Variants in DCAF6 observed in about 807,000 individuals in gnomAD.
The protein encoded by DCAF6 is DDB1 and CUL4 associated factor 6, also known as DDB1- and CUL4-associated factor 6.
Under a neutral mutation model 125.1 loss-of-function variants are expected in DCAF6, and 54 were observed. That is an observed-to-expected ratio of 0.43 (90% CI 0.35 to 0.54). The LOEUF (loss-of-function observed/expected upper bound fraction) is 0.54. Among genes scored for constraint, DCAF6 ranks in the 20% least tolerant of loss-of-function variants. The pLI is 0.01. For synonymous variants in DCAF6, 371 were observed against 390.4 expected (o/e 0.95, Z 0.58); for missense variants, 934 against 1,161.7 (o/e 0.80, Z 2.85).
chr1:167,900,126 G>A, the DCAF6 span, among the ~76,000 whole-genome samples: 1 of 152,198 alleles, frequency 6.6e-6, no homozygotes, highest in Non-Finnish European at 1.5e-5. Context: ...GTTGGTAAAT[G>A]AAAGTTTTGG....
At chr1:168,058,058 T>A (rs946155356) in intron 17 of DCAF6, among the ~76,000 whole-genome samples, 4 of 152,242 alleles carry the variant, frequency 2.6e-5, no homozygotes, top group Non-Finnish European at 5.9e-5. Context: ...TTTTGAACTT[T>A]ATATAAAAAT....
the DCAF6 span, among the ~76,000 whole-genome samples, chr1:167,884,694 A>ATTTTTTTTTTTTTT: frequency 9.2e-6 from 1 of 108,628 alleles, no homozygotes. Flanking sequence ...AATCATTTTA[A>ATTTTTTTTTTTTTT]TTTTTTTTTT....
intron 12 of DCAF6, among the ~76,000 whole-genome samples, chr1:168,036,706 AG>A (rs1247579763): frequency 1.3e-5 from 2 of 151,618 alleles, no homozygotes; most frequent in East Asian, 3.8e-4. Flanking sequence ...TGTAAGCTAA[AG>A]GTCTATTAAT....
chr1:167,875,230 GACATATTGAGAGCAAGAGTGA>G, the DCAF6 span: 1 of 1,573,536 alleles, frequency 6.4e-7, no homozygotes, highest in Non-Finnish European at 8.7e-7. Flanking sequence ...TCAAAACAGG[GACATATTGAGAGCAAGAGTGA>G]TTAGTTCTTA....
intron 12 of DCAF6, among the ~76,000 whole-genome samples, chr1:168,035,701 A>T (rs1421459147): frequency 6.6e-6 from 1 of 152,226 alleles, no homozygotes; most frequent in Non-Finnish European, 1.5e-5. Flanking sequence ...TCATTTTATG[A>T]TTAAATGAAT....
At chr1:168,022,892 C>T (rs532562870) in intron 11 of DCAF6, 96 bp from the exon 12 acceptor site, 7 of 1,113,668 alleles carry the variant, frequency 6.3e-6, no homozygotes, top group Non-Finnish European at 9.4e-6. Flanking sequence ...ATTCCGCAGC[C>T]TTATACATTT....
the DCAF6 span, among the ~76,000 whole-genome samples, chr1:167,874,761 A>G: frequency 6.6e-6 from 1 of 152,226 alleles, no homozygotes; most frequent in Non-Finnish European, 1.5e-5. Context: ...ATATTTATAA[A>G]AATGGAATAC....
chr1:168,015,555 A>G (rs958461041), intron 10 of DCAF6, among the ~76,000 whole-genome samples: 18 of 152,230 alleles, frequency 1.2e-4, no homozygotes, highest in Admixed American at 5.2e-4. Flanking sequence ...ATTCCTAGAG[A>G]AATATATGTA....
chr1:167,993,313 T>C lies in DCAF6; in HGVS notation c.776T>C (p.Leu259Pro). The change falls in exon 7 of 22, where the codon CTG becomes CCG. Residue 259 changes from leucine (L) to proline (P), a missense_variant. Physicochemically the swap from Leu to Pro is moderately conservative, Grantham distance 98 (BLOSUM62 -3). Around this residue, in one of 5 missense-constraint regions of DCAF6, gnomAD observed 309 missense variants for 381.2 expected, o/e 0.81. Coordinates refer to ENST00000367840, the MANE Select transcript of DCAF6 (RefSeq NM_001198956.2). ...LNNKSCRVTS[L>P]CYSEDGQEIL... Reference sequence around the variant, plus strand: ...AATAAGTCCTGCAGAGTGACATCTCTGTGTTACAGTGAAGATGGTCAAGAG... The same window carrying C: ...AATAAGTCCTGCAGAGTGACATCTCCGTGTTACAGTGAAGATGGTCAAGAG... 1 of 1,613,994 alleles carries C rather than the reference T, an allele frequency of 6.2e-7. No homozygotes were observed.
At chr1:167,992,252 T>TACACACACACACAC (rs761598229) in intron 6 of DCAF6, among the ~76,000 whole-genome samples, 5,771 of 143,002 alleles carry the variant, frequency 0.04, 138 homozygotes, top group Non-Finnish European at 0.054. Context: ...AGGCCAGGAT[T>TACACACACACACAC]ACACACACAC....
chr1:168,052,006 G>T (rs765746377), intron 17 of DCAF6, among the ~76,000 whole-genome samples: 36 of 151,770 alleles, frequency 2.4e-4, no homozygotes, highest in Non-Finnish European at 4.9e-4. Context: ...TCAGCCTCCT[G>T]AGTATCTGGG....
the DCAF6 span, among the ~76,000 whole-genome samples, chr1:167,929,604 AAACT>A: frequency 1.3e-5 from 2 of 152,218 alleles, no homozygotes; most frequent in Admixed American, 6.5e-5. Context: ...ACCTATTAAT[AAACT>A]GACATAAACT....
intron 7 of DCAF6, among the ~76,000 whole-genome samples, chr1:168,001,417 GA>G (rs1682601133): frequency 6.6e-6 from 1 of 152,116 alleles, no homozygotes; most frequent in Non-Finnish European, 1.5e-5. Flanking sequence ...TCATATTATT[GA>G]ACACTTTATA....
chr1:167,988,603 G>A (rs776407093), intron 5 of DCAF6, among the ~76,000 whole-genome samples: 3 of 151,710 alleles, frequency 2.0e-5, no homozygotes, highest in Non-Finnish European at 2.9e-5. Flanking sequence ...TTTTGAAGTA[G>A]TAAATGAAAT....
rs528762602 is a variant in DCAF6, at chr1:168,013,477, C to T, written c.1379-2304C>T. Among the ~76,000 whole-genome samples, 144 of 152,228 alleles carry T rather than the reference C, an allele frequency of 9.5e-4. 1 individual carries two copies. Among genetic ancestry groups the T allele is most frequent in the Admixed American group, 1.7e-3 (26 of 15,294 alleles). On this transcript the variant is annotated intron_variant, in intron 10 of 21. Coordinates refer to ENST00000367840, the MANE Select transcript of DCAF6 (RefSeq NM_001198956.2). ...GCTAGTGTCAGAAATTCTCTATGCT[C>T]CTACCACCAAATCTCACTATTGACA... is the stretch of plus-strand genomic sequence containing the variant.
the DCAF6 span, among the ~76,000 whole-genome samples, chr1:167,874,000 C>A: frequency 6.6e-6 from 1 of 152,010 alleles, no homozygotes. Flanking sequence ...AAATATAACC[C>A]AGTTGAAAAA....
intron 4 of DCAF6, among the ~76,000 whole-genome samples, chr1:167,977,234 A>G (rs1186242718): frequency 5.0e-5 from 7 of 138,818 alleles, no homozygotes; most frequent in Non-Finnish European, 9.3e-5. Flanking sequence ...TTTACATGAG[A>G]GTTTGTTGAT....
intron 1 of DCAF6, among the ~76,000 whole-genome samples, chr1:167,949,856 C>A (rs1293799634): frequency 6.6e-6 from 1 of 152,120 alleles, no homozygotes; most frequent in African/African-American, 2.4e-5. Flanking sequence ...GTTTTTGCTT[C>A]TATTTCTTGG....
the DCAF6 span, among the ~76,000 whole-genome samples, chr1:167,883,939 T>C: frequency 6.6e-6 from 1 of 152,224 alleles, no homozygotes; most frequent in African/African-American, 2.4e-5. Context: ...TTGGCTCTCC[T>C]ATTTTTAAAA....
Sources: allele counts gnomAD v4.1 joint callset (sites outside exome capture counted in the v4.1 genomes callset), GRCh38; gene constraint gnomAD v4.1.1; regional missense constraint gnomAD v4.1.1; transcripts MANE v1.5; gene names NCBI Gene and HGNC (gene_info 2026-07-23, HGNC 2026-07-21).